Variants in TRHR observed in about 807,000 individuals in gnomAD.
The protein encoded by TRHR is thyrotropin-releasing hormone receptor.
A neutral mutation model predicts 28.0 loss-of-function variants in TRHR; 14 were observed. That is an observed-to-expected ratio of 0.50 (90% CI 0.33 to 0.78). The LOEUF (loss-of-function observed/expected upper bound fraction) is 0.78, where lower values mean the gene tolerates loss of function less well. TRHR is among the 30% of genes least tolerant of loss of function. TRHR has a pLI of 0.02. For synonymous variants in TRHR, 176 were observed against 171.9 expected (o/e 1.02, Z -0.18); for missense variants, 438 against 469.5 (o/e 0.93, Z 0.62).
intron 2 of TRHR, among the ~76,000 whole-genome samples, chr8:109,101,060 T>A (rs1811671846): frequency 6.6e-6 from 1 of 152,156 alleles, no homozygotes; most frequent in Non-Finnish European, 1.5e-5. Flanking sequence ...TATGGAAAGA[T>A]ATTGGGAGAT....
At chr8:109,105,384 C>T (rs1368797044) in intron 2 of TRHR, among the ~76,000 whole-genome samples, 3 of 152,092 alleles carry the variant, frequency 2.0e-5, no homozygotes, top group African/African-American at 4.8e-5. Flanking sequence ...AAAAAGGGAA[C>T]ATTGTCTTAC....
chr8:109,104,644 T>C (rs1411086083), intron 2 of TRHR, among the ~76,000 whole-genome samples: 1 of 152,066 alleles, frequency 6.6e-6, no homozygotes, highest in East Asian at 1.9e-4. Flanking sequence ...AACAGGACAT[T>C]TTCCCATCAG....
intron 2 of TRHR, among the ~76,000 whole-genome samples, chr8:109,108,010 T>C (rs1811775945): frequency 6.6e-6 from 1 of 152,138 alleles, no homozygotes; most frequent in Non-Finnish European, 1.5e-5. Context: ...AATGTGCCTA[T>C]CCCTTGGCTG....
intron 2 of TRHR, among the ~76,000 whole-genome samples, chr8:109,108,986 C>T (rs1811789528): frequency 6.6e-6 from 1 of 152,184 alleles, no homozygotes. Context: ...ATCCTCAAGT[C>T]TAGATGCAAA....
At chr8:109,103,802 C>A (rs1811711959) in intron 2 of TRHR, among the ~76,000 whole-genome samples, 1 of 152,124 alleles carries the variant, frequency 6.6e-6, no homozygotes, top group Non-Finnish European at 1.5e-5. Context: ...GATAATCAAT[C>A]GGGAAAGGTT....
intron 2 of TRHR, among the ~76,000 whole-genome samples, chr8:109,115,239 C>T (rs1811902292): frequency 6.6e-6 from 1 of 152,058 alleles, no homozygotes; most frequent in Non-Finnish European, 1.5e-5. Flanking sequence ...AGTTTGAAGT[C>T]AGGTAGCATG....
chr8:109,088,726 G>A (rs954132926), intron 2 of TRHR, among the ~76,000 whole-genome samples: 13 of 152,140 alleles, frequency 8.5e-5, no homozygotes, highest in African/African-American at 3.1e-4. Context: ...TTGAAAACAG[G>A]TTAGTTTAAA....
chr8:109,096,309 C>A (rs951579500), intron 2 of TRHR, among the ~76,000 whole-genome samples: 2 of 152,180 alleles, frequency 1.3e-5, no homozygotes, highest in African/African-American at 2.4e-5. Flanking sequence ...CCTCATCAAG[C>A]CTTCACTGAA....
Position 109,120,399 on chromosome 8 carries a change from GA to G in TRHR, c.*948del, listed in dbSNP as rs1274199040. 4.6e-5 allele frequency among the ~76,000 whole-genome samples: 7 copies of G among 151,648 alleles called. No homozygotes were observed. Among genetic ancestry groups the G allele is most frequent in the African/African-American group, 1.7e-4 (7 of 41,328 alleles). On this transcript the variant is annotated 3_prime_UTR_variant, in exon 3 of 3. Transcript: ENST00000518632. The stretch of plus-strand genomic sequence containing the variant: ...CAAATCATTCAAGCAAAATCTAGCT[GA>G]AAAGTCTGAAACATTCTTAAAAGCT...
At chr8:109,093,531 G>A (rs189614403) in intron 2 of TRHR, among the ~76,000 whole-genome samples, 1 of 142,772 alleles carries the variant, frequency 7.0e-6, no homozygotes, top group East Asian at 2.2e-4. Context: ...TCAGCCTCCC[G>A]AGTAGCTGGG....
intron 2 of TRHR, among the ~76,000 whole-genome samples, chr8:109,092,429 T>TTTTA (rs1261322425): frequency 7.3e-5 from 11 of 150,552 alleles, no homozygotes; most frequent in East Asian, 1.9e-4. Flanking sequence ...TTTATTTTTA[T>TTTTA]TTTATTTATT....
intron 2 of TRHR, among the ~76,000 whole-genome samples, chr8:109,107,263 A>T (rs1289697961): frequency 6.6e-6 from 1 of 152,192 alleles, no homozygotes; most frequent in Non-Finnish European, 1.5e-5. Flanking sequence ...AGTGATGGGA[A>T]ATCTCATCCC....
At chr8:109,089,239 ATATT>A (rs1294735302) in intron 2 of TRHR, among the ~76,000 whole-genome samples, 2 of 151,958 alleles carry the variant, frequency 1.3e-5, no homozygotes, top group African/African-American at 2.4e-5. Flanking sequence ...CAGATGATAA[ATATT>A]TATTCTCATA....
At chr8:109,098,764 T>G (rs549679411) in intron 2 of TRHR, among the ~76,000 whole-genome samples, 1 of 152,302 alleles carries the variant, frequency 6.6e-6, no homozygotes, top group Admixed American at 6.5e-5. Flanking sequence ...TTATTTGACC[T>G]GTTTCTTTCT....
chr8:109,090,809 G>A (rs1041723411), intron 2 of TRHR, among the ~76,000 whole-genome samples: 1 of 152,190 alleles, frequency 6.6e-6, no homozygotes, highest in East Asian at 1.9e-4. Flanking sequence ...TGGGTTTGGA[G>A]AGGGGCCAAG....
chr8:109,087,409 C>A lies in TRHR; in HGVS notation c.-88-16C>A. ...TTGTAACACTGTTAATGAATATGTACTATGACCCTTCACAGGGGGATGGAA... is the reference window on the plus strand; with the variant it reads ...TTGTAACACTGTTAATGAATATGTAATATGACCCTTCACAGGGGGATGGAA... On this transcript the variant is annotated splice_polypyrimidine_tract_variant and intron_variant, in intron 1 of 2. Coordinates refer to ENST00000518632, the MANE Select transcript of TRHR (RefSeq NM_003301.7). The A allele has an allele frequency of 8.2e-7, 1 of 1,217,926 alleles. No individual in the cohort carries two copies. The highest frequency in any genetic ancestry group is 1.2e-6 in the Non-Finnish European group (1 of 844,510). The allele number at this position is 1,217,926 out of a possible 1,614,324, so 75.4% of individuals were successfully genotyped here.
At chr8:109,095,238 A>T (rs1394280011) in intron 2 of TRHR, among the ~76,000 whole-genome samples, 1 of 152,144 alleles carries the variant, frequency 6.6e-6, no homozygotes, top group Non-Finnish European at 1.5e-5. Context: ...GTACACAAAC[A>T]ATTCTGAGCA....
chr8:109,087,426 G>A lies in TRHR; in HGVS notation c.-87G>A. On this transcript the variant is annotated splice_region_variant and 5_prime_UTR_variant, in exon 2 of 3. Coordinates refer to ENST00000518632, the MANE Select transcript of TRHR (RefSeq NM_003301.7). The stretch of plus-strand genomic sequence containing the variant: ...AATATGTACTATGACCCTTCACAGG[G>A]GGATGGAACTGCTGCAATAAAGGTG... The A allele has an allele frequency of 7.1e-7, 1 of 1,413,906 alleles. No homozygotes were observed. 87.6% of individuals were successfully genotyped at this position (1,413,906 alleles called of 1,614,324 possible). A position where few individuals can be genotyped will look rare whatever the true frequency, so the allele number is the denominator to read the frequency against.
At chr8:109,115,212 C>G (rs1811901861) in intron 2 of TRHR, among the ~76,000 whole-genome samples, 2 of 152,220 alleles carry the variant, frequency 1.3e-5, no homozygotes, top group East Asian at 3.9e-4. Flanking sequence ...GTTTTGGTTA[C>G]TGTAGCTTTG....
Sources: allele counts gnomAD v4.1 joint callset (sites outside exome capture counted in the v4.1 genomes callset), GRCh38; gene constraint gnomAD v4.1.1; transcripts MANE v1.5; gene names NCBI Gene and HGNC (gene_info 2026-07-23, HGNC 2026-07-21).